The following CDH18 variants were observed in gnomAD, a reference collection of about 807,000 sequenced individuals.
CDH18 encodes the protein cadherin 18, also known as cadherin-18.
CDH18 carries 31 observed loss-of-function variants against 67.9 expected under a neutral mutation model. The observed-to-expected ratio is 0.46, with a 90% CI of 0.34 to 0.62. The LOEUF is 0.62. Ranked by LOEUF, CDH18 falls within the 20% of genes least tolerant of loss-of-function variation. CDH18 has a pLI of 0.01. For synonymous variants in CDH18, 362 were observed against 347.2 expected (o/e 1.04, Z -0.48); for missense variants, 890 against 975.5 (o/e 0.91, Z 1.17).
chr5:19,586,798 C>T (rs908771116), intron 7 of CDH18, among the ~76,000 whole-genome samples: 5 of 152,176 alleles, frequency 3.3e-5, no homozygotes, highest in East Asian at 1.9e-4. Flanking sequence ...TCTTCCAGAA[C>T]GGTTGAACTA....
At chr5:19,753,859 T>C (rs1771174902) in intron 3 of CDH18, among the ~76,000 whole-genome samples, 1 of 152,164 alleles carries the variant, frequency 6.6e-6, no homozygotes, top group Admixed American at 6.5e-5. Flanking sequence ...CAGCCAAGAA[T>C]TTTGTATCCA....
intron 1 of CDH18, among the ~76,000 whole-genome samples, chr5:20,514,052 T>A (rs966716777): frequency 3.9e-5 from 6 of 152,170 alleles, no homozygotes; most frequent in Admixed American, 6.6e-5. Context: ...TAAAACTTCT[T>A]TCCACACTGT....
intron 2 of CDH18, among the ~76,000 whole-genome samples, chr5:20,220,169 A>G (rs762707211): frequency 1.3e-5 from 2 of 152,070 alleles, no homozygotes; most frequent in Non-Finnish European, 2.9e-5. Context: ...AGCCAAAGCT[A>G]TTCTGAGCAA....
At position 19,520,696 on chromosome 5, in the gene CDH18, T is replaced by C. The variant is rs1189957576; in HGVS notation, c.1473A>G (p.Glu491=). ...AATTTTCACATACAATAATATCATA[T>C]TCCCTGGCAAGTTCGGGTGGATTGT... ...VNDNPPELAR[E]YDIIVCENSK... The change falls in exon 10 of 13, where the codon GAA becomes GAG. Residue 491 remains glutamate, a synonymous_variant. Transcript: ENST00000382275. 1.2e-6 allele frequency: 2 copies of C among 1,612,870 alleles called. No homozygotes were observed. The highest frequency in any genetic ancestry group is 1.7e-6 in the Non-Finnish European group (2 of 1,179,290).
chr5:20,101,426 C>T (rs185920469), intron 2 of CDH18, among the ~76,000 whole-genome samples: 3 of 152,232 alleles, frequency 2.0e-5, no homozygotes, highest in Non-Finnish European at 4.4e-5. Context: ...AGCTTATAAA[C>T]CTTCCAATGA....
chr5:20,033,956 A>T (rs186255784), intron 2 of CDH18, among the ~76,000 whole-genome samples: 7 of 152,206 alleles, frequency 4.6e-5, no homozygotes, highest in African/African-American at 1.7e-4. Context: ...GAAGTGGCAC[A>T]ATATAAAAGA....
At chr5:20,105,945 T>C (rs1012378332) in intron 2 of CDH18, among the ~76,000 whole-genome samples, 3 of 152,216 alleles carry the variant, frequency 2.0e-5, no homozygotes, top group Admixed American at 6.5e-5. Context: ...TCTATAGGGC[T>C]TGGAATAATG....
chr5:20,301,149 G>A (rs1409324290), intron 1 of CDH18, among the ~76,000 whole-genome samples: 1 of 152,060 alleles, frequency 6.6e-6, no homozygotes, highest in Non-Finnish European at 1.5e-5. Flanking sequence ...CAAGGTCAGA[G>A]CAGAGTAATT....
At chr5:20,241,735 C>T (rs1742912879) in intron 2 of CDH18, among the ~76,000 whole-genome samples, 1 of 151,244 alleles carries the variant, frequency 6.6e-6, no homozygotes, top group Non-Finnish European at 1.5e-5. Context: ...GCCTGTAGTC[C>T]CAGCTACTCG....
chr5:19,863,809 G>C (rs1379257178), intron 2 of CDH18, among the ~76,000 whole-genome samples: 1 of 152,164 alleles, frequency 6.6e-6, no homozygotes, highest in Non-Finnish European at 1.5e-5. Flanking sequence ...GGCTGTGAGA[G>C]GTGAGACTCA....
chr5:19,593,743 T>TCTC (rs1745701453), intron 6 of CDH18, among the ~76,000 whole-genome samples: 1 of 145,954 alleles, frequency 6.9e-6, no homozygotes, highest in Non-Finnish European at 1.5e-5. Flanking sequence ...TTCTTCTTCT[T>TCTC]CTTCTTCTTC....
intron 2 of CDH18, among the ~76,000 whole-genome samples, chr5:20,142,456 C>T (rs1006665027): frequency 3.3e-5 from 5 of 151,546 alleles, no homozygotes; most frequent in African/African-American, 1.2e-4. Context: ...GGCAAGCACC[C>T]GTAGTCTCAA....
At chr5:19,938,758 A>T (rs552868861) in intron 2 of CDH18, among the ~76,000 whole-genome samples, 13 of 151,636 alleles carry the variant, frequency 8.6e-5, no homozygotes, top group Middle Eastern at 3.5e-3. Flanking sequence ...AAAGTTATAA[A>T]GGTACTCTGT....
chr5:19,662,155 A>T (rs879695783), intron 5 of CDH18, among the ~76,000 whole-genome samples: 336 of 119,234 alleles, frequency 2.8e-3, no homozygotes, highest in Non-Finnish European at 4.4e-3. Flanking sequence ...TTTTTTTTTT[A>T]AACAGCGTAT....
At chr5:20,501,012 C>T (rs1165019400) in intron 1 of CDH18, among the ~76,000 whole-genome samples, 1 of 152,034 alleles carries the variant, frequency 6.6e-6, no homozygotes, top group Non-Finnish European at 1.5e-5. Context: ...ACTAGCAACT[C>T]AACAATAAGG....
chr5:20,166,961 C>T (rs1199013795), intron 2 of CDH18, among the ~76,000 whole-genome samples: 1 of 151,908 alleles, frequency 6.6e-6, no homozygotes, highest in African/African-American at 2.4e-5. Flanking sequence ...TTGTAATTAC[C>T]TTTAAAAATA....
intron 1 of CDH18, among the ~76,000 whole-genome samples, chr5:20,330,576 A>G (rs1214326810): frequency 7.9e-5 from 12 of 152,182 alleles, no homozygotes; most frequent in Admixed American, 7.9e-4. Flanking sequence ...TTTAACTGGT[A>G]TATGACCTTC....
intron 2 of CDH18, among the ~76,000 whole-genome samples, chr5:20,194,830 A>C (rs972201702): frequency 6.6e-6 from 1 of 151,980 alleles, no homozygotes; most frequent in East Asian, 1.9e-4. Flanking sequence ...TTCTCCTAAG[A>C]GACCAAAAGG....
At chr5:19,805,098 C>T (rs918027988) in intron 3 of CDH18, among the ~76,000 whole-genome samples, 3 of 151,910 alleles carry the variant, frequency 2.0e-5, no homozygotes, top group Non-Finnish European at 4.4e-5. Context: ...AGGCGTACAC[C>T]ACCACACCTG....
Sources: allele counts gnomAD v4.1 joint callset (sites outside exome capture counted in the v4.1 genomes callset), GRCh38; gene constraint gnomAD v4.1.1; transcripts MANE v1.5; gene names NCBI Gene and HGNC (gene_info 2026-07-23, HGNC 2026-07-21).